Variants in CNTNAP5 observed in about 807,000 individuals in gnomAD.
CNTNAP5 encodes contactin-associated protein-like 5.
CNTNAP5 carries 72 observed loss-of-function variants against 150.2 expected under a neutral mutation model. That is an observed-to-expected ratio of 0.48 (90% CI 0.40 to 0.58). CNTNAP5 has a LOEUF of 0.58. CNTNAP5 is among the 20% of genes least tolerant of loss of function. CNTNAP5 has a pLI of 0.00. For missense variants in CNTNAP5, 1,636 were observed against 1,626.2 expected, an observed-to-expected ratio of 1.01 and a Z score of -0.10; for synonymous variants, 672 against 619.8, an observed-to-expected ratio of 1.08 and a Z score of -1.25.
chr2:124,258,662 T>G (rs1303590379), intron 3 of CNTNAP5, among the ~76,000 whole-genome samples: 3 of 152,140 alleles, frequency 2.0e-5, no homozygotes, highest in Non-Finnish European at 4.4e-5. Context: ...TCTAGGGACA[T>G]AGGCAGTTGT....
intron 4 of CNTNAP5, among the ~76,000 whole-genome samples, chr2:124,419,140 C>CAAAAAAAAAAAAGAAAAAAAA (rs1692009828): frequency 3.5e-5 from 1 of 28,908 alleles, no homozygotes; most frequent in Non-Finnish European, 6.6e-5. Flanking sequence ...GACTCCTTCT[C>CAAAAAAAAAAAAGAAAAAAAA]AAAAAAAAAA....
intron 2 of CNTNAP5, among the ~76,000 whole-genome samples, chr2:124,236,851 G>C (rs1473964161): frequency 6.6e-6 from 1 of 152,176 alleles, no homozygotes; most frequent in Admixed American, 6.5e-5. Flanking sequence ...GTGTGGCCAG[G>C]CATGGTGGCT....
chr2:124,524,458 T>G lies in CNTNAP5; in HGVS notation c.1477+6T>G. 6.2e-7 allele frequency: 1 copy of G among 1,605,174 alleles called. No homozygotes were observed. The highest frequency in any genetic ancestry group is 8.5e-7 in the Non-Finnish European group (1 of 1,175,170). Reference sequence around the variant, plus strand: ...AAATAGCTACTATTTTGGAGGTAAATTCTCCAGTCTTTAAGAGGGAAAATT... The same window carrying G: ...AAATAGCTACTATTTTGGAGGTAAAGTCTCCAGTCTTTAAGAGGGAAAATT... On this transcript the variant is annotated splice_donor_region_variant and intron_variant, in intron 9 of 23. Coordinates refer to ENST00000682447, the MANE Select transcript of CNTNAP5 (RefSeq NM_001367498.1).
intron 13 of CNTNAP5, among the ~76,000 whole-genome samples, chr2:124,651,215 A>G (rs1678315089): frequency 6.6e-6 from 1 of 152,202 alleles, no homozygotes; most frequent in African/African-American, 2.4e-5. Flanking sequence ...GCTATTGCTA[A>G]CTAGTAGCCA....
At chr2:124,190,353 G>A (rs1383931814) in intron 1 of CNTNAP5, among the ~76,000 whole-genome samples, 2 of 152,110 alleles carry the variant, frequency 1.3e-5, no homozygotes, top group Non-Finnish European at 2.9e-5. Flanking sequence ...CGTAGCCAAT[G>A]CTAAAGGTTC....
intron 3 of CNTNAP5, among the ~76,000 whole-genome samples, chr2:124,342,690 G>A (rs1689647199): frequency 6.6e-6 from 1 of 152,004 alleles, no homozygotes; most frequent in Non-Finnish European, 1.5e-5. Flanking sequence ...CAATCAGGGA[G>A]AAAAAAGGTA....
chr2:124,194,418 AATAG>A (rs1685535448), intron 1 of CNTNAP5, among the ~76,000 whole-genome samples: 6 of 112,116 alleles, frequency 5.4e-5, no homozygotes, highest in Middle Eastern at 4.7e-3. Context: ...TATAAATATA[AATAG>A]GTGTGCTGTA....
In CNTNAP5 at chr2:124,249,958, CTT is replaced by C. The variant is rs35650115; in HGVS notation, c.381+7568_381+7569del. Among the ~76,000 whole-genome samples the C allele has an allele frequency of 1.5e-4, 17 of 110,072 alleles. No homozygotes were observed. The South Asian group carries it at 4.2e-3, about 27-fold the overall frequency. 72.2% of individuals were successfully genotyped at this position (110,072 alleles called of 152,430 possible). ...AATGTTTAGCTAACAAGGATGAATT[CTT>C]TTGTGTGTGTGTGTGTGTGTGTGTG... On this transcript the variant is annotated intron_variant, in intron 3 of 23. Transcript: ENST00000682447.
chr2:124,707,061 A>AG (rs758078747), intron 13 of CNTNAP5, among the ~76,000 whole-genome samples: 21 of 131,948 alleles, frequency 1.6e-4, no homozygotes, highest in African/African-American at 5.2e-4. Context: ...GAGGAGGAGG[A>AG]GAGGAAGAGG....
At chr2:124,259,001 TC>T (rs1208603418) in intron 3 of CNTNAP5, among the ~76,000 whole-genome samples, 1 of 94,678 alleles carries the variant, frequency 1.1e-5, no homozygotes, top group Non-Finnish European at 2.0e-5. Context: ...ATGCTATCCC[TC>T]CCCCCTCCCC....
At chr2:124,419,858 C>A (rs555450174) in intron 4 of CNTNAP5, among the ~76,000 whole-genome samples, 2 of 152,044 alleles carry the variant, frequency 1.3e-5, no homozygotes, top group East Asian at 3.9e-4. Context: ...CTAATTCTCC[C>A]TTTCAGCATT....
intron 21 of CNTNAP5, among the ~76,000 whole-genome samples, chr2:124,902,227 G>A (rs898989681): frequency 1.6e-4 from 24 of 152,108 alleles, no homozygotes; most frequent in African/African-American, 5.6e-4. Context: ...ATTATTGCAT[G>A]TCCATCTTTT....
chr2:124,531,565 G>A lies in CNTNAP5; in HGVS notation c.1649+4109G>A, dbSNP rs185726032. Among the ~76,000 whole-genome samples, 11 of 152,306 alleles carry A rather than the reference G, an allele frequency of 7.2e-5. No homozygotes were observed. In the East Asian group the frequency reaches 1.5e-3, roughly 21 times the overall value. On this transcript the variant is annotated intron_variant, in intron 10 of 23. Coordinates refer to ENST00000682447, the MANE Select transcript of CNTNAP5 (RefSeq NM_001367498.1). ...CTATCCCTGAGTAGGATATGATGCT[G>A]TAAAAGCTCTAGAAGCTCTAGGAGT...
intron 1 of CNTNAP5, among the ~76,000 whole-genome samples, chr2:124,166,262 T>G (rs1209965545): frequency 1.3e-5 from 2 of 152,136 alleles, no homozygotes; most frequent in African/African-American, 4.8e-5. Context: ...TTGTTTTGTT[T>G]AAAACGAATG....
intron 1 of CNTNAP5, among the ~76,000 whole-genome samples, chr2:124,196,984 A>G (rs1685602676): frequency 6.6e-6 from 1 of 152,254 alleles, no homozygotes; most frequent in African/African-American, 2.4e-5. Flanking sequence ...AGTAGCATGC[A>G]TCTCGTGTCT....
intron 2 of CNTNAP5, among the ~76,000 whole-genome samples, chr2:124,226,198 A>G (rs1358045228): frequency 2.0e-5 from 3 of 150,990 alleles, no homozygotes; most frequent in Middle Eastern, 3.4e-3. Flanking sequence ...ACCGTTTCTT[A>G]TAACTATGCT....
At chr2:124,537,822 A>AAAGGAAAAATG (rs1695274570) in intron 10 of CNTNAP5, among the ~76,000 whole-genome samples, 1 of 152,186 alleles carries the variant, frequency 6.6e-6, no homozygotes, top group African/African-American at 2.4e-5. Flanking sequence ...TTTTTACAAG[A>AAAGGAAAAATG]AAAGTGGATC....
In CNTNAP5 at chr2:124,475,576, G is replaced by T. The variant is rs185018734; in HGVS notation, c.1062+694G>T. On this transcript the variant is annotated intron_variant, in intron 7 of 23. Transcript: ENST00000682447. Reference sequence around the variant, plus strand: ...GGTTTATATATTTTGTAGCTCTGTTGTTTGGTACATACACATTTAGTATGC... The same window carrying T: ...GGTTTATATATTTTGTAGCTCTGTTTTTTGGTACATACACATTTAGTATGC... 1.2e-3 allele frequency among the ~76,000 whole-genome samples: 184 copies of T among 152,134 alleles called. 2 individuals are homozygous for T. The highest frequency in any genetic ancestry group is 4.1e-3 in the African/African-American group (170 of 41,516).
intron 1 of CNTNAP5, among the ~76,000 whole-genome samples, chr2:124,183,336 A>C (rs911920581): frequency 6.6e-6 from 1 of 152,188 alleles, no homozygotes; most frequent in Non-Finnish European, 1.5e-5. Flanking sequence ...TCTACTAATT[A>C]TTTTATGGTA....
Sources: gnomAD v4.1 joint callset for allele counts (sites outside exome capture counted in the v4.1 genomes callset) on GRCh38, gnomAD v4.1.1 for gene constraint, MANE v1.5 for transcripts, NCBI Gene and HGNC (gene_info 2026-07-23, HGNC 2026-07-21) for gene names.